The following FAM110B variants were observed in gnomAD, a reference collection of about 807,000 sequenced individuals.
FAM110B encodes the protein family with sequence similarity 110 member B, also known as protein FAM110B.
In FAM110B, 6 loss-of-function variants were observed where a neutral mutation model predicts 20.4. The observed-to-expected ratio is 0.29, with a 90% CI of 0.16 to 0.58. The LOEUF (loss-of-function observed/expected upper bound fraction) is 0.58. Ranked by LOEUF, FAM110B falls within the 20% of genes least tolerant of loss-of-function variation. FAM110B has a pLI of 0.90. For missense variants in FAM110B, 434 were observed against 498.2 expected, an observed-to-expected ratio of 0.87 and a Z score of 1.23; for synonymous variants, 226 against 214.1, an observed-to-expected ratio of 1.06 and a Z score of -0.49.
At position 58,024,158 on chromosome 8, in the gene FAM110B, A is replaced by C. The variant is rs77566131; in HGVS notation, c.-511-7448A>C. ...GGGCTACATTTGAGTAAATTTAATG[A>C]AACTTTCACTGTGCTTTTTTTTTTT... On this transcript the variant is annotated intron_variant, in intron 1 of 3. Transcript: ENST00000519262. Among the ~76,000 whole-genome samples, 982 of 148,352 alleles carry C rather than the reference A, an allele frequency of 6.6e-3. 35 individuals carry two copies. In the East Asian group the frequency reaches 0.075, roughly 11 times the overall value.
chr8:58,085,514 A>G (rs961489080), intron 3 of FAM110B, among the ~76,000 whole-genome samples: 1 of 152,222 alleles, frequency 6.6e-6, no homozygotes, highest in African/African-American at 2.4e-5. Flanking sequence ...CTCTGTCTCA[A>G]GAAAACAAAC....
At chr8:58,114,000 A>T (rs983129227) in intron 3 of FAM110B, among the ~76,000 whole-genome samples, 10 of 152,166 alleles carry the variant, frequency 6.6e-5, no homozygotes, top group African/African-American at 2.4e-4. Flanking sequence ...CTGTGTTTTA[A>T]AGTAACTGAC....
At chr8:58,053,988 A>C (rs1805505665) in intron 2 of FAM110B, among the ~76,000 whole-genome samples, 1 of 152,204 alleles carries the variant, frequency 6.6e-6, no homozygotes, top group East Asian at 1.9e-4. Context: ...GGACAGAAAA[A>C]AGAAAGTGGT....
Position 58,148,344 on chromosome 8 carries a change from G to C in FAM110B, c.*1001G>C, listed in dbSNP as rs1803920068. ...TCAGTAGAGCCTTCCATTCAAAAGT[G>C]AACACACTTGGTAGCTGAACCATAT... On this transcript the variant is annotated 3_prime_UTR_variant, in exon 4 of 4. Transcript: ENST00000519262. 6.0e-6 allele frequency: 1 copy of C among 166,954 alleles called. No individual in the cohort carries two copies. The highest frequency in any genetic ancestry group is 1.5e-5 in the Non-Finnish European group (1 of 68,096). The allele number at this position is 166,954 out of a possible 1,614,324, so 10.3% of individuals were successfully genotyped here.
chr8:58,033,291 C>T (rs10107618), intron 2 of FAM110B, among the ~76,000 whole-genome samples: 46,826 of 151,926 alleles, frequency 0.31, 8,451 homozygotes, highest in Non-Finnish European at 0.41. Context: ...TTTTTTAATC[C>T]AGTCCACCAT....
Position 58,146,800 on chromosome 8 carries a change from C to A in FAM110B, c.570C>A (p.Ala190=), listed in dbSNP as rs1192327902. The part of the protein sequence containing the change: ...HVGRRLLEQS[A]ESFLHVSHSS... ...GCAGGAGACTGCTGGAGCAGTCAGC[C>A]GAGTCCTTCCTCCACGTGTCCCACA... The change falls in exon 4 of 4, where the codon GCC becomes GCA. Residue 190 remains alanine, a synonymous_variant. Coordinates refer to ENST00000519262, the MANE Select transcript of FAM110B (RefSeq NM_001377989.1). 1 of 1,610,012 alleles carries A rather than the reference C, an allele frequency of 6.2e-7. No individual in the cohort carries two copies. The highest frequency in any genetic ancestry group is 8.5e-7 in the Non-Finnish European group (1 of 1,177,648).
chr8:58,085,436 C>A (rs1348565518), intron 3 of FAM110B, among the ~76,000 whole-genome samples: 1 of 152,154 alleles, frequency 6.6e-6, no homozygotes, highest in African/African-American at 2.4e-5. Flanking sequence ...TTGCTTGAAC[C>A]CGGAAGATGG....
rs144832381 is a variant in FAM110B at position 58,132,090 on chromosome 8, C to T, written c.-324-13817C>T. Among the ~76,000 whole-genome samples the T allele has an allele frequency of 3.4e-3, 518 of 150,828 alleles. 1 individual carries two copies. Among genetic ancestry groups the T allele is most frequent in the Middle Eastern group, 6.8e-3 (2 of 294 alleles). The stretch of plus-strand genomic sequence containing the variant: ...TTATTTTCCACGAAGGAGGGTGTCG[C>T]CACATTTTGAGATCCCCTTGGAGAA... On this transcript the variant is annotated intron_variant, in intron 3 of 3. Coordinates refer to ENST00000519262, the MANE Select transcript of FAM110B (RefSeq NM_001377989.1).
intron 2 of FAM110B, among the ~76,000 whole-genome samples, chr8:58,050,784 C>T (rs564528760): frequency 1.2e-3 from 178 of 152,266 alleles, no homozygotes; most frequent in African/African-American, 4.1e-3. Context: ...ACCTGCCAAT[C>T]ACGGGAGTCA....
At chr8:58,006,727 C>T (rs1373065191) in intron 1 of FAM110B, among the ~76,000 whole-genome samples, 9 of 150,992 alleles carry the variant, frequency 6.0e-5, no homozygotes, top group East Asian at 5.9e-4. Context: ...CTCAGCCTCC[C>T]GAGTAGCTGG....
intron 1 of FAM110B, among the ~76,000 whole-genome samples, chr8:58,001,032 A>C (rs1467301296): frequency 6.6e-6 from 1 of 151,982 alleles, no homozygotes; most frequent in Non-Finnish European, 1.5e-5. Flanking sequence ...CTTTGTTCCA[A>C]CCTGCAACAT....
chr8:58,020,569 C>T (rs921270278), intron 1 of FAM110B, among the ~76,000 whole-genome samples: 7 of 152,070 alleles, frequency 4.6e-5, no homozygotes, highest in East Asian at 1.9e-4. Flanking sequence ...AAAACAAGTC[C>T]GTGTTAGTAT....
chr8:58,056,085 G>T (rs988608397), intron 2 of FAM110B, among the ~76,000 whole-genome samples: 8 of 152,196 alleles, frequency 5.3e-5, no homozygotes, highest in African/African-American at 1.7e-4. Context: ...GCACACAACC[G>T]TGATCATTTG....
intron 1 of FAM110B, among the ~76,000 whole-genome samples, chr8:58,009,497 T>C (rs926253399): frequency 6.6e-6 from 1 of 152,244 alleles, no homozygotes; most frequent in Non-Finnish European, 1.5e-5. Context: ...AAGATTCAGT[T>C]TGAGAAAAGA....
intron 3 of FAM110B, among the ~76,000 whole-genome samples, chr8:58,142,566 A>G (rs575056237): frequency 1.1e-3 from 82 of 74,196 alleles, no homozygotes; most frequent in African/African-American, 3.7e-3. Context: ...CCCTGCCACC[A>G]TCACCCCCAG....
chr8:58,012,500 T>G (rs1804558418), intron 1 of FAM110B, among the ~76,000 whole-genome samples: 1 of 152,206 alleles, frequency 6.6e-6, no homozygotes, highest in Non-Finnish European at 1.5e-5. Context: ...TGTGTACTTT[T>G]TTCACATTCA....
At chr8:58,130,924 A>G (rs1585911895) in intron 3 of FAM110B, among the ~76,000 whole-genome samples, 1 of 152,210 alleles carries the variant, frequency 6.6e-6, no homozygotes, top group Non-Finnish European at 1.5e-5. Context: ...TTGTTTACAC[A>G]TCAGCGTCTA....
intron 3 of FAM110B, among the ~76,000 whole-genome samples, chr8:58,092,423 G>A (rs951902476): frequency 1.3e-5 from 2 of 152,058 alleles, no homozygotes; most frequent in Non-Finnish European, 2.9e-5. Flanking sequence ...AGGCCATGGT[G>A]TGTGATGTTC....
Position 58,148,179 on chromosome 8 carries a change from T to C in FAM110B, c.*836T>C, listed in dbSNP as rs1360444803. 4 of 161,794 alleles carry C rather than the reference T, an allele frequency of 2.5e-5. No homozygotes were observed. Among genetic ancestry groups the C allele is most frequent in the African/African-American group, 9.9e-5 (4 of 40,542 alleles). 10.0% of individuals were successfully genotyped at this position (161,794 alleles called of 1,614,324 possible). A position where few individuals can be genotyped will look rare whatever the true frequency, so the allele number is the denominator to read the frequency against. ...TTGTGGTTTTTTGTTTTTTTTTTTT[T>C]TTTTTTTGGTCGAGAACTACTAATT... On this transcript the variant is annotated 3_prime_UTR_variant, in exon 4 of 4. Transcript: ENST00000519262.
Sources: allele counts gnomAD v4.1 joint callset (sites outside exome capture counted in the v4.1 genomes callset), GRCh38; gene constraint gnomAD v4.1.1; transcripts MANE v1.5; gene names NCBI Gene and HGNC (gene_info 2026-07-23, HGNC 2026-07-21).